CSDE1: variants seen among roughly 807,000 people sequenced by gnomAD.
CSDE1 encodes the protein cold shock domain-containing protein E1.
CSDE1 carries 17 observed loss-of-function variants against 89.3 expected under a neutral mutation model. That is an observed-to-expected ratio of 0.19 (90% confidence interval 0.13 to 0.29). CSDE1 has a LOEUF of 0.29. Among genes scored for constraint, CSDE1 ranks in the 10% least tolerant of loss-of-function variants. The pLI is 1.00. For missense variants in CSDE1, 672 were observed against 984.2 expected (o/e 0.68, Z 4.24); for synonymous variants, 322 against 332.8 (o/e 0.97, Z 0.35).
chr1:114,738,814 G>A (rs1257620469), intron 3 of CSDE1, among the ~76,000 whole-genome samples: 2 of 151,604 alleles, frequency 1.3e-5, no homozygotes, highest in Admixed American at 1.3e-4. Context: ...GGGACTACAG[G>A]CACATGTCAC....
chr1:114,729,047 A>G (rs1200341237), intron 12 of CSDE1, among the ~76,000 whole-genome samples: 1 of 152,158 alleles, frequency 6.6e-6, no homozygotes, highest in African/African-American at 2.4e-5. Flanking sequence ...CCCAAAGCAC[A>G]TACCTGATGT....
intron 3 of CSDE1, among the ~76,000 whole-genome samples, chr1:114,738,843 G>C (rs1489994271): frequency 6.6e-6 from 1 of 151,208 alleles, no homozygotes; most frequent in African/African-American, 2.4e-5. Context: ...GCTAATTTTT[G>C]CATTTTTTGT....
intron 12 of CSDE1, among the ~76,000 whole-genome samples, chr1:114,727,386 C>G (rs1449694796): frequency 6.6e-6 from 1 of 152,112 alleles, no homozygotes; most frequent in African/African-American, 2.4e-5. Context: ...CATAGCCAAT[C>G]AGAAATTAAA....
chr1:114,739,323 G>A (rs544515247), intron 3 of CSDE1, among the ~76,000 whole-genome samples: 4 of 152,144 alleles, frequency 2.6e-5, no homozygotes, highest in Non-Finnish European at 4.4e-5. Context: ...AAGCCACCGC[G>A]CCCAGCTTCT....
chr1:114,751,201 T>C (rs1661289228), intron 1 of CSDE1, among the ~76,000 whole-genome samples: 2 of 152,238 alleles, frequency 1.3e-5, no homozygotes, highest in Admixed American at 1.3e-4. Context: ...GAAATGTCTA[T>C]AGAAGAGAAA....
At chr1:114,752,738 A>T (rs941222367) in intron 1 of CSDE1, among the ~76,000 whole-genome samples, 4 of 152,208 alleles carry the variant, frequency 2.6e-5, no homozygotes, top group Admixed American at 2.6e-4. Context: ...CAGCAGACTC[A>T]TTCATTAATT....
In CSDE1 at chr1:114,739,718, C is replaced by T; in HGVS notation, c.173G>A (p.Gly58Asp). Residue 58 changes from glycine (G) to aspartate (D), a missense_variant, in exon 3 of 20, where the codon GGC becomes GAC. Gly to Asp is a moderately conservative substitution (Grantham distance 94). This residue lies in a region of CSDE1 where 34 missense variants were observed against 73.3 expected (regional missense o/e 0.46). Coordinates refer to ENST00000358528, the MANE Select transcript of CSDE1 (RefSeq NM_001007553.3). ...TCCTACTTTTAAGTCTTGCAGGTTG[C>T]CATTATACTGTGAACAGTGGAAGAA... ...RLFFHCSQYNGNLQDLKVGDD... is the reference protein window; with the variant it reads ...RLFFHCSQYNDNLQDLKVGDD... The T allele has an allele frequency of 1.2e-6, 2 of 1,613,440 alleles. No homozygotes were observed. The highest frequency in any genetic ancestry group is 2.7e-5 in the African/African-American group (2 of 75,002).
At chr1:114,732,506 CATTTAACTTAAGAAAA>C (rs1230800284) in intron 10 of CSDE1, 82 bp downstream of exon 10, 1 of 1,097,918 alleles carries the variant, frequency 9.1e-7, no homozygotes, top group African/African-American at 1.6e-5. Flanking sequence ...CCATTAGGGT[CATTTAACTTAAGAAAA>C]ATTTTAATTT....
chr1:114,740,022 CTT>C, intron 2 of CSDE1, 132 bp from the exon 3 acceptor site: 2 of 666,012 alleles, frequency 3.0e-6, no homozygotes, highest in Non-Finnish European at 5.1e-6. Context: ...AGATTATAGA[CTT>C]TATTACTGCA....
intron 4 of CSDE1, 122 bp from the exon 5 acceptor site, chr1:114,737,685 A>G (rs1372363141): frequency 5.3e-6 from 4 of 760,606 alleles, no homozygotes; most frequent in Middle Eastern, 2.4e-4. Flanking sequence ...TATGATCCAC[A>G]AGAGGATGTC....
chr1:114,731,363 G>A (rs1296251054), intron 10 of CSDE1, among the ~76,000 whole-genome samples: 1 of 142,696 alleles, frequency 7.0e-6, no homozygotes, highest in Non-Finnish European at 1.5e-5. Flanking sequence ...ATACCGTAAA[G>A]CAAAACAGAT....
At chr1:114,726,453 C>T (rs2101023804) in intron 13 of CSDE1, 67 bp from the exon 14 acceptor site, 1 of 1,319,508 alleles carries the variant, frequency 7.6e-7, no homozygotes, top group Non-Finnish European at 1.0e-6. Context: ...ACTCAGAAAA[C>T]AAGACCTATA....
rs185872129 is a variant in CSDE1, at chr1:114,717,725, G to A, written c.*444C>T. On this transcript the variant is annotated 3_prime_UTR_variant, in exon 20 of 20. Transcript: ENST00000358528. The stretch of plus-strand genomic sequence containing the variant: ...CCTCAGAATTAAAGCATAATGAACA[G>A]GAAGAAAAAGGAAAAGAATGCAACT... The A allele has an allele frequency of 6.3e-6, 1 of 158,524 alleles. No individual in the cohort carries two copies. The highest frequency in any genetic ancestry group is 1.4e-5 in the Non-Finnish European group (1 of 72,250). The allele number at this position is 158,524 out of a possible 1,614,324, so 9.8% of individuals were successfully genotyped here.
intron 2 of CSDE1, among the ~76,000 whole-genome samples, chr1:114,748,928 G>T (rs1012983457): frequency 1.3e-5 from 2 of 152,140 alleles, no homozygotes; most frequent in Non-Finnish European, 2.9e-5. Flanking sequence ...ACATCTGATG[G>T]CTCTCCTACG....
At chr1:114,722,220 A>C (rs1428942301) in intron 16 of CSDE1, among the ~76,000 whole-genome samples, 3 of 152,162 alleles carry the variant, frequency 2.0e-5, no homozygotes, top group Non-Finnish European at 2.9e-5. Context: ...GAACCAAAAA[A>C]CTTTGAGGAG....
chr1:114,750,829 A>C (rs2101087044), intron 1 of CSDE1, among the ~76,000 whole-genome samples: 1 of 152,362 alleles, frequency 6.6e-6, no homozygotes, highest in East Asian at 1.9e-4. Flanking sequence ...ACAGCACATA[A>C]GTCAAGCGAG....
intron 2 of CSDE1, among the ~76,000 whole-genome samples, chr1:114,745,044 G>C (rs1314942725): frequency 6.6e-6 from 1 of 151,286 alleles, no homozygotes; most frequent in Non-Finnish European, 1.5e-5. Flanking sequence ...TCCAGATAAA[G>C]CAAATTAATA....
At chr1:114,755,582 A>G (rs1661550280) in intron 1 of CSDE1, among the ~76,000 whole-genome samples, 1 of 152,190 alleles carries the variant, frequency 6.6e-6, no homozygotes. Flanking sequence ...AAAACAAAGG[A>G]CTTTTTAAAA....
intron 16 of CSDE1, among the ~76,000 whole-genome samples, chr1:114,723,378 G>T (rs542036625): frequency 3.3e-5 from 5 of 152,326 alleles, no homozygotes; most frequent in African/African-American, 7.2e-5. Context: ...GAAAAAAGAA[G>T]AAGAAAGTAG....
Sources: allele counts gnomAD v4.1 joint callset (sites outside exome capture counted in the v4.1 genomes callset), GRCh38; gene constraint gnomAD v4.1.1; regional missense constraint gnomAD v4.1.1; transcripts MANE v1.5; gene names NCBI Gene and HGNC (gene_info 2026-07-23, HGNC 2026-07-21).